The following ABTB3 variants were observed in gnomAD, a reference collection of about 807,000 sequenced individuals.
The protein encoded by ABTB3 is ankyrin repeat and BTB domain containing 3.
the ABTB3 span, among the ~76,000 whole-genome samples, chr12:107,609,251 C>T: frequency 6.6e-6 from 1 of 152,228 alleles, no homozygotes; most frequent in Admixed American, 6.5e-5. Flanking sequence ...GTGTTTTCAG[C>T]ACCTAGAAGA....
At chr12:107,418,273 C>T in the ABTB3 span, among the ~76,000 whole-genome samples, 6 of 152,196 alleles carry the variant, frequency 3.9e-5, no homozygotes, top group Admixed American at 2.0e-4. Flanking sequence ...ATGCTTCCTG[C>T]CCTTGAATAT....
At chr12:107,331,398 C>T in the ABTB3 span, among the ~76,000 whole-genome samples, 15 of 152,156 alleles carry the variant, frequency 9.9e-5, no homozygotes, top group Non-Finnish European at 1.5e-5. Flanking sequence ...AGTTGCTCCG[C>T]GGGAGAGGTT....
At chr12:107,503,587 G>A in the ABTB3 span, among the ~76,000 whole-genome samples, 4 of 151,554 alleles carry the variant, frequency 2.6e-5, no homozygotes, top group South Asian at 2.1e-4. Context: ...ATGAGACCCC[G>A]TCTATACAAA....
chr12:107,405,681 C>T, the ABTB3 span, among the ~76,000 whole-genome samples: 40 of 152,352 alleles, frequency 2.6e-4, 2 homozygotes, highest in African/African-American at 8.9e-4. Context: ...GAAGAGAAGC[C>T]GGTCCCTGGG....
chr12:107,593,585 A>G, the ABTB3 span, among the ~76,000 whole-genome samples: 1 of 152,218 alleles, frequency 6.6e-6, no homozygotes, highest in Non-Finnish European at 1.5e-5. Flanking sequence ...ACTTCACTGA[A>G]TTGATCTAAA....
At chr12:107,567,661 G>C in the ABTB3 span, among the ~76,000 whole-genome samples, 120 of 152,276 alleles carry the variant, frequency 7.9e-4, 4 homozygotes, top group South Asian at 0.021. Context: ...CACAGCAAGA[G>C]GTGAGCAGCA....
the ABTB3 span, chr12:107,581,263 G>C: frequency 1.3e-6 from 2 of 1,509,512 alleles, no homozygotes; most frequent in East Asian, 5.1e-5. Flanking sequence ...AGGCGGCCCG[G>C]CTGCTGCTGC....
the ABTB3 span, among the ~76,000 whole-genome samples, chr12:107,346,184 C>A: frequency 6.6e-6 from 1 of 152,162 alleles, no homozygotes; most frequent in Admixed American, 6.5e-5. Context: ...ATTAGGGATT[C>A]TTTTGGGGGC....
the ABTB3 span, among the ~76,000 whole-genome samples, chr12:107,498,855 G>A: frequency 6.6e-6 from 1 of 152,124 alleles, no homozygotes; most frequent in African/African-American, 2.4e-5. Flanking sequence ...ACATCTTTGG[G>A]GACCATTATA....
At chr12:107,520,514 A>G in the ABTB3 span, 1 of 1,614,164 alleles carries the variant, frequency 6.2e-7, no homozygotes, top group Non-Finnish European at 8.5e-7. Context: ...GACAGCCTGA[A>G]TCTTCACAGA....
At chr12:107,413,331 A>G in the ABTB3 span, among the ~76,000 whole-genome samples, 1 of 152,146 alleles carries the variant, frequency 6.6e-6, no homozygotes, top group Non-Finnish European at 1.5e-5. Flanking sequence ...ATCCATGACG[A>G]CTAAGATGCA....
chr12:107,504,226 T>C, the ABTB3 span, among the ~76,000 whole-genome samples: 1 of 152,218 alleles, frequency 6.6e-6, no homozygotes, highest in Non-Finnish European at 1.5e-5. Context: ...TTTTGATGGA[T>C]TGTGGAAGGC....
the ABTB3 span, among the ~76,000 whole-genome samples, chr12:107,654,588 C>T: frequency 4.6e-5 from 7 of 152,068 alleles, no homozygotes; most frequent in Admixed American, 3.9e-4. Context: ...TGTGAGCCAC[C>T]GCGCCTGGCC....
the ABTB3 span, among the ~76,000 whole-genome samples, chr12:107,476,812 A>AGTGTGTGT: frequency 3.8e-4 from 56 of 148,618 alleles, no homozygotes; most frequent in African/African-American, 1.3e-3. Context: ...GAATGCATGA[A>AGTGTGTGT]GTGTGTGTGT....
chr12:107,341,979 C>T, the ABTB3 span, among the ~76,000 whole-genome samples: 6 of 152,302 alleles, frequency 3.9e-5, no homozygotes, highest in African/African-American at 1.2e-4. Flanking sequence ...GCCAACATCA[C>T]GCTTCCTCTA....
the ABTB3 span, among the ~76,000 whole-genome samples, chr12:107,644,694 T>C: frequency 6.6e-6 from 1 of 152,294 alleles, no homozygotes; most frequent in South Asian, 2.1e-4. Context: ...TCTGATTATT[T>C]TGTCACCCAG....
the ABTB3 span, among the ~76,000 whole-genome samples, chr12:107,367,379 T>C: frequency 1.3e-5 from 2 of 152,268 alleles, no homozygotes; most frequent in African/African-American, 2.4e-5. Flanking sequence ...TTTTCCTCTT[T>C]CCTTTTTGTT....
At chr12:107,386,977 T>TC in the ABTB3 span, among the ~76,000 whole-genome samples, 2 of 141,874 alleles carry the variant, frequency 1.4e-5, no homozygotes, top group Non-Finnish European at 3.0e-5. Context: ...TCAGCTACAT[T>TC]CTTTTTTTTT....
the ABTB3 span, among the ~76,000 whole-genome samples, chr12:107,338,515 T>C: frequency 6.6e-6 from 1 of 152,166 alleles, no homozygotes; most frequent in Non-Finnish European, 1.5e-5. Context: ...TCTGGGCACA[T>C]TGTTAGTGCT....
Sources: allele counts gnomAD v4.1 joint callset (sites outside exome capture counted in the v4.1 genomes callset), GRCh38; gene constraint gnomAD v4.1.1; transcripts MANE v1.5; gene names NCBI Gene and HGNC (gene_info 2026-07-23, HGNC 2026-07-21).